Variants in MAN2A1 observed in about 807,000 individuals in gnomAD.
The protein encoded by MAN2A1 is mannosidase alpha class 2A member 1.
A neutral mutation model predicts 142.6 loss-of-function variants in MAN2A1; 76 were observed. The observed-to-expected ratio is 0.53, with a 90% CI of 0.44 to 0.65. The LOEUF (loss-of-function observed/expected upper bound fraction) is 0.65. MAN2A1 is among the 30% of genes least tolerant of loss of function. The pLI, the probability that MAN2A1 is intolerant of heterozygous loss-of-function variation, is 0.00. For synonymous variants in MAN2A1, 559 were observed against 473.2 expected (o/e 1.18, Z -2.35); for missense variants, 1,311 against 1,365.1 (o/e 0.96, Z 0.62).
Position 109,784,791 on chromosome 5 carries a change from A to T in MAN2A1, c.1625A>T (p.Tyr542Phe). The T allele has an allele frequency of 6.2e-7, 1 of 1,610,840 alleles. No individual in the cohort carries two copies. The change falls in exon 10 of 22, where the codon TAC (tyrosine) becomes TTC (phenylalanine). Residue 542 changes from tyrosine to phenylalanine, a missense_variant. Tyr to Phe is a conservative substitution (Grantham distance 22). This residue lies in a region of MAN2A1 where 890 missense variants were observed against 920.5 expected (regional missense o/e 0.97). Transcript: ENST00000261483. ...TTCGCCCTGAGACAAGCTCACAAAT[A>T]CAAGATAAATAAATTTCTCTCATCA... ...YYFALRQAHKYKINKFLSSSL... is the reference protein window; with the variant it reads ...YYFALRQAHKFKINKFLSSSL...
At chr5:109,692,905 A>G (rs772776306) in intron 1 of MAN2A1, among the ~76,000 whole-genome samples, 3 of 152,120 alleles carry the variant, frequency 2.0e-5, no homozygotes, top group Non-Finnish European at 4.4e-5. Flanking sequence ...GATCCCTGGC[A>G]TGCGCAGTTC....
chr5:109,779,565 GCA>G (rs757828449), intron 8 of MAN2A1, among the ~76,000 whole-genome samples: 50 of 73,160 alleles, frequency 6.8e-4, no homozygotes, highest in Admixed American at 3.2e-3. Flanking sequence ...ACACACGCGT[GCA>G]CACACACACA....
At chr5:109,701,439 C>T (rs1750980530) in intron 1 of MAN2A1, among the ~76,000 whole-genome samples, 1 of 151,962 alleles carries the variant, frequency 6.6e-6, no homozygotes, top group Admixed American at 6.6e-5. Flanking sequence ...TGCAAATTGC[C>T]CTGAGAGTTT....
intron 20 of MAN2A1, chr5:109,864,760 G>A: frequency 2.7e-6 from 1 of 373,364 alleles, no homozygotes; most frequent in Non-Finnish European, 4.9e-6. Context: ...TGGACATAAG[G>A]AAACCTAAGT....
intron 3 of MAN2A1, among the ~76,000 whole-genome samples, chr5:109,727,686 G>A (rs890686106): frequency 2.6e-5 from 4 of 152,172 alleles, no homozygotes; most frequent in African/African-American, 9.7e-5. Flanking sequence ...TACAGATGTG[G>A]GAAAGGGCAG....
intron 12 of MAN2A1, among the ~76,000 whole-genome samples, chr5:109,800,134 C>G (rs1753980488): frequency 6.6e-6 from 1 of 151,630 alleles, no homozygotes; most frequent in South Asian, 2.1e-4. Flanking sequence ...TCTAGATGCA[C>G]CCGAATGTGC....
chr5:109,789,543 C>T lies in MAN2A1; in HGVS notation c.1943+16C>T, dbSNP rs754069873. The T allele has an allele frequency of 6.5e-7, 1 of 1,531,634 alleles. No homozygotes were observed. The highest frequency in any genetic ancestry group is 8.9e-7 in the Non-Finnish European group (1 of 1,129,202). The allele number at this position is 1,531,634 out of a possible 1,614,324, so 94.9% of individuals were successfully genotyped here. On this transcript the variant is annotated intron_variant, in intron 12 of 21. Transcript: ENST00000261483. ...CGGAGCCAAGGTAAATTCATAATTT[C>T]TTACAAATGTTTACCACTTTCTGGC...
intron 15 of MAN2A1, among the ~76,000 whole-genome samples, chr5:109,820,757 C>T (rs767353154): frequency 6.6e-6 from 1 of 152,142 alleles, no homozygotes; most frequent in Non-Finnish European, 1.5e-5. Flanking sequence ...GAGCCAAGAT[C>T]ACGCCACTGC....
At position 109,845,919 on chromosome 5, in the gene MAN2A1, A is replaced by G. The variant is rs973164683; in HGVS notation, c.2755A>G (p.Met919Val). 1 of 1,613,786 alleles carries G rather than the reference A, an allele frequency of 6.2e-7. No homozygotes were observed. Among genetic ancestry groups the G allele is most frequent in the East Asian group, 2.2e-5 (1 of 44,850 alleles). Residue 919 changes from methionine to valine, a missense_variant, in exon 18 of 22, where the codon ATG becomes GTG. Around this residue, in one of 3 missense-constraint regions of MAN2A1, gnomAD observed 890 missense variants for 920.5 expected, o/e 0.97. Transcript: ENST00000261483. ...KLPLQANVYP[M>V]TTMAYIQDAK... ...GCCTCTTCAAGCAAATGTCTATCCC[A>G]TGACCACAATGGCCTATATCCAGGA...
At chr5:109,718,092 A>G (rs1176646089) in intron 3 of MAN2A1, among the ~76,000 whole-genome samples, 1 of 152,144 alleles carries the variant, frequency 6.6e-6, no homozygotes, top group Non-Finnish European at 1.5e-5. Flanking sequence ...CACTTGTAAT[A>G]TCTAAGTTGT....
rs899355193 is a variant in MAN2A1, at chr5:109,722,637, A to T, written c.535+6373A>T. Among the ~76,000 whole-genome samples, 6 of 152,122 alleles carry T rather than the reference A, an allele frequency of 3.9e-5. No homozygotes were observed. The East Asian group carries it at 1.2e-3, about 29-fold the overall frequency. ...CACCATGTTGGCCAGGCTGGTCTAG[A>T]ACTCCTGACCTCAAGTGATCCGTCC... On this transcript the variant is annotated intron_variant, in intron 3 of 21. Coordinates refer to ENST00000261483, the MANE Select transcript of MAN2A1 (RefSeq NM_002372.4).
intron 12 of MAN2A1, among the ~76,000 whole-genome samples, chr5:109,800,271 G>A (rs1322349489): frequency 6.6e-6 from 1 of 152,152 alleles, no homozygotes; most frequent in African/African-American, 2.4e-5. Flanking sequence ...CTTGAAGCTA[G>A]GTAGTGTTCT....
chr5:109,777,978 C>A (rs1408957535), intron 8 of MAN2A1, among the ~76,000 whole-genome samples: 1 of 151,868 alleles, frequency 6.6e-6, no homozygotes, highest in Admixed American at 6.6e-5. Context: ...GTTTTAATAT[C>A]TGATAGTAAA....
At chr5:109,785,246 G>A (rs1380334501) in intron 10 of MAN2A1, among the ~76,000 whole-genome samples, 4 of 151,968 alleles carry the variant, frequency 2.6e-5, no homozygotes, top group Non-Finnish European at 4.4e-5. Context: ...CAAGGACTTG[G>A]CATCAAATAA....
In MAN2A1 at chr5:109,690,404, G is replaced by A. The variant is rs970905854; in HGVS notation, c.-14G>A. On this transcript the variant is annotated 5_prime_UTR_variant, in exon 1 of 22. Coordinates refer to ENST00000261483, the MANE Select transcript of MAN2A1 (RefSeq NM_002372.4). ...GCTGAGGAGAGTGTCCTGGCCCCGA[G>A]TCTATCGAGGAAAATGAAGTTAAGC... is the stretch of plus-strand genomic sequence containing the variant. 3.1e-6 allele frequency: 5 copies of A among 1,613,902 alleles called. No individual in the cohort carries two copies. The African/African-American group carries it at 6.7e-5, about 22-fold the overall frequency.
intron 4 of MAN2A1, among the ~76,000 whole-genome samples, chr5:109,737,151 T>G (rs983216607): frequency 5.7e-5 from 8 of 140,918 alleles, no homozygotes; most frequent in Non-Finnish European, 1.1e-4. Context: ...TGAAGTGCAC[T>G]GGTGTGGTCT....
chr5:109,835,305 A>G (rs1755028447), intron 16 of MAN2A1, among the ~76,000 whole-genome samples: 1 of 152,242 alleles, frequency 6.6e-6, no homozygotes, highest in Non-Finnish European at 1.5e-5. Flanking sequence ...CTTCTGCAAC[A>G]AAATGATGAT....
chr5:109,810,313 T>G (rs996623908), intron 12 of MAN2A1, among the ~76,000 whole-genome samples: 1 of 152,154 alleles, frequency 6.6e-6, no homozygotes, highest in South Asian at 2.1e-4. Flanking sequence ...CTAGAAAATA[T>G]CTTCTTCTAG....
intron 10 of MAN2A1, 88 bp from the exon 11 acceptor site, chr5:109,788,846 G>A (rs771338017): frequency 1.5e-6 from 1 of 650,778 alleles, no homozygotes; most frequent in Non-Finnish European, 2.8e-6. Flanking sequence ...TGAAGATACT[G>A]GTGGTTTGGC....
Sources: gnomAD v4.1 joint callset for allele counts (sites outside exome capture counted in the v4.1 genomes callset) on GRCh38, gnomAD v4.1.1 for gene constraint, gnomAD v4.1.1 regional missense constraint, MANE v1.5 for transcripts, NCBI Gene and HGNC (gene_info 2026-07-23, HGNC 2026-07-21) for gene names.